The following SLC9A9 variants were observed in gnomAD, a reference collection of about 807,000 sequenced individuals.
The protein encoded by SLC9A9 is sodium/hydrogen exchanger 9.
Under a neutral mutation model 77.8 loss-of-function variants are expected in SLC9A9, and 62 were observed. The observed-to-expected ratio is 0.80, with a 90% confidence interval of 0.65 to 0.98. SLC9A9 has a LOEUF of 0.98. Among genes scored for constraint, SLC9A9 ranks in the 50% least tolerant of loss-of-function variants. SLC9A9 has a pLI of 0.00. For synonymous variants in SLC9A9, 320 were observed against 283.5 expected, an observed-to-expected ratio of 1.13 and a Z score of -1.29; for missense variants, 775 against 774.9, an observed-to-expected ratio of 1.00 and a Z score of 0.00.
intron 14 of SLC9A9, among the ~76,000 whole-genome samples, chr3:143,292,346 G>A (rs1290973274): frequency 6.6e-6 from 1 of 152,164 alleles, no homozygotes; most frequent in African/African-American, 2.4e-5. Flanking sequence ...TTGGATTTCT[G>A]AACTACAGAT....
chr3:143,449,800 T>TTA (rs1203062799), intron 12 of SLC9A9, among the ~76,000 whole-genome samples: 1 of 73,466 alleles, frequency 1.4e-5, no homozygotes, highest in Non-Finnish European at 2.2e-5. Flanking sequence ...TATATATATT[T>TTA]TATATATATA....
intron 6 of SLC9A9, among the ~76,000 whole-genome samples, chr3:143,615,219 C>T (rs760232867): frequency 4.6e-5 from 7 of 152,210 alleles, no homozygotes; most frequent in East Asian, 1.9e-4. Context: ...GTCACCACCA[C>T]GCCTATGGTT....
chr3:143,633,630 T>C (rs1197945599), intron 6 of SLC9A9, among the ~76,000 whole-genome samples: 2 of 152,194 alleles, frequency 1.3e-5, no homozygotes, highest in African/African-American at 4.8e-5. Flanking sequence ...GTAAGGTAGA[T>C]TGCTAGAAGT....
intron 14 of SLC9A9, among the ~76,000 whole-genome samples, chr3:143,332,444 A>G (rs2031800707): frequency 6.6e-6 from 1 of 152,254 alleles, no homozygotes; most frequent in Non-Finnish European, 1.5e-5. Flanking sequence ...ATTATTGGGA[A>G]GACCATTTGA....
chr3:143,268,346 G>A (rs1480201276), intron 15 of SLC9A9, among the ~76,000 whole-genome samples: 1 of 152,096 alleles, frequency 6.6e-6, no homozygotes, highest in African/African-American at 2.4e-5. Context: ...TCATTTTATG[G>A]TTAAAAATAT....
rs560308411 is a variant in SLC9A9, at chr3:143,652,792, C to T, written c.650-432G>A. 2.4e-4 allele frequency among the ~76,000 whole-genome samples: 34 copies of T among 140,736 alleles called. No individual in the cohort carries two copies. In the South Asian group the frequency reaches 5.4e-3, roughly 22 times the overall value. 92.3% of individuals were successfully genotyped at this position (140,736 alleles called of 152,430 possible). A position where few individuals can be genotyped will look rare whatever the true frequency, so the allele number is the denominator to read the frequency against. ...TATTCCTTAAATACACACACACACACACACACACACACACACACACTTCTT... is the reference window on the plus strand; with the variant it reads ...TATTCCTTAAATACACACACACACATACACACACACACACACACACTTCTT... On this transcript the variant is annotated intron_variant, in intron 5 of 15. Coordinates refer to ENST00000316549, the MANE Select transcript of SLC9A9 (RefSeq NM_173653.4).
At chr3:143,486,444 C>A (rs2035654364) in intron 11 of SLC9A9, among the ~76,000 whole-genome samples, 1 of 152,006 alleles carries the variant, frequency 6.6e-6, no homozygotes, top group South Asian at 2.1e-4. Context: ...TTCACTTTTT[C>A]TTTTCTATGT....
chr3:143,635,284 C>T (rs529269368), intron 6 of SLC9A9, among the ~76,000 whole-genome samples: 8 of 152,224 alleles, frequency 5.3e-5, no homozygotes, highest in South Asian at 4.1e-4. Context: ...GTTCTCTAAG[C>T]GAGAGGAGGT....
At chr3:143,617,462 C>T (rs1020851292) in intron 6 of SLC9A9, among the ~76,000 whole-genome samples, 5 of 152,226 alleles carry the variant, frequency 3.3e-5, no homozygotes, top group Non-Finnish European at 7.3e-5. Flanking sequence ...AGATTGCACA[C>T]TGGTGGCCCG....
chr3:143,606,436 C>CTCTCTCTCTCTCTATATATATA (rs1419410834), intron 6 of SLC9A9, among the ~76,000 whole-genome samples: 3 of 54,210 alleles, frequency 5.5e-5, no homozygotes, highest in African/African-American at 2.3e-4. Context: ...CTCTCTCTCT[C>CTCTCTCTCTCTCTATATATATA]TATATATATA....
At chr3:143,723,355 G>A (rs973097265) in intron 4 of SLC9A9, among the ~76,000 whole-genome samples, 1 of 152,160 alleles carries the variant, frequency 6.6e-6, no homozygotes, top group African/African-American at 2.4e-5. Flanking sequence ...ACACCTTAGA[G>A]GCCGGTTTTC....
chr3:143,583,102 G>A (rs1253083321), intron 6 of SLC9A9, among the ~76,000 whole-genome samples: 1 of 152,082 alleles, frequency 6.6e-6, no homozygotes, highest in Non-Finnish European at 1.5e-5. Flanking sequence ...GTAGTGAGCT[G>A]TGATTGGGCC....
At chr3:143,691,806 G>C (rs1933478060) in intron 5 of SLC9A9, among the ~76,000 whole-genome samples, 1 of 152,050 alleles carries the variant, frequency 6.6e-6, no homozygotes, top group Non-Finnish European at 1.5e-5. Context: ...CCTATAATAA[G>C]TCCTTTCTAA....
intron 4 of SLC9A9, among the ~76,000 whole-genome samples, chr3:143,782,485 C>T (rs2007914578): frequency 6.6e-6 from 1 of 152,218 alleles, no homozygotes; most frequent in African/African-American, 2.4e-5. Flanking sequence ...GTTCTGGAGT[C>T]AGTCACACTT....
chr3:143,565,602 G>T (rs1257773426), intron 8 of SLC9A9, among the ~76,000 whole-genome samples: 2 of 152,104 alleles, frequency 1.3e-5, no homozygotes, highest in Non-Finnish European at 2.9e-5. Flanking sequence ...TATTGAGATG[G>T]CATCATTGCA....
chr3:143,387,354 G>A (rs2033452598), intron 12 of SLC9A9, among the ~76,000 whole-genome samples: 2 of 151,952 alleles, frequency 1.3e-5, no homozygotes, highest in Admixed American at 1.3e-4. Context: ...TAACTGTAAA[G>A]GTGCATGCAG....
intron 2 of SLC9A9, among the ~76,000 whole-genome samples, chr3:143,811,371 T>C (rs1327991982): frequency 6.6e-6 from 1 of 152,174 alleles, no homozygotes; most frequent in East Asian, 1.9e-4. Context: ...TCAGAATACC[T>C]AATGAAAATA....
chr3:143,445,819 A>G (rs1055120507), intron 12 of SLC9A9, among the ~76,000 whole-genome samples: 1 of 152,232 alleles, frequency 6.6e-6, no homozygotes, highest in Non-Finnish European at 1.5e-5. Flanking sequence ...AAGTGTTTCA[A>G]GTAAGATCAA....
intron 13 of SLC9A9, among the ~76,000 whole-genome samples, chr3:143,370,311 C>T (rs1263987488): frequency 1.3e-5 from 2 of 152,028 alleles, no homozygotes. Flanking sequence ...ATAAAAGTAA[C>T]ATTTGTGGTA....
Sources: allele counts gnomAD v4.1 joint callset (sites outside exome capture counted in the v4.1 genomes callset), GRCh38; gene constraint gnomAD v4.1.1; transcripts MANE v1.5; gene names NCBI Gene and HGNC (gene_info 2026-07-23, HGNC 2026-07-21).